The following RNF207 variants were observed in gnomAD, a reference collection of about 807,000 sequenced individuals.
RNF207 encodes the protein ring finger protein 207.
RNF207 carries 72 observed loss-of-function variants against 79.0 expected under a neutral mutation model. That is an observed-to-expected ratio of 0.91 (90% CI 0.75 to 1.11). The LOEUF is 1.11. RNF207 is among the 50% of genes least tolerant of loss of function. The pLI, the probability that RNF207 is intolerant of heterozygous loss-of-function variation, is 0.00. For missense variants in RNF207, 936 were observed against 855.8 expected, an observed-to-expected ratio of 1.09 and a Z score of -1.17; for synonymous variants, 348 against 366.2, an observed-to-expected ratio of 0.95 and a Z score of 0.57.
At position 6,206,813 on chromosome 1, in the gene RNF207, A is replaced by C. The variant is rs563033379; in HGVS notation, c.191+87A>C. On this transcript the variant is annotated intron_variant, in intron 2 of 17. Coordinates refer to ENST00000377939, the MANE Select transcript of RNF207 (RefSeq NM_207396.3). Reference sequence around the variant, plus strand: ...CTGCCCGAGCTGGGACCCAGGTGCCAGGAGAGTAAGGCTCCAACTTCAGGC... The same window carrying C: ...CTGCCCGAGCTGGGACCCAGGTGCCCGGAGAGTAAGGCTCCAACTTCAGGC... 2.6e-5 allele frequency: 29 copies of C among 1,098,766 alleles called. No homozygotes were observed. The African/African-American group carries it at 3.5e-4, about 13-fold the overall frequency. The allele number at this position is 1,098,766 out of a possible 1,614,324, so 68.1% of individuals were successfully genotyped here.
rs531861750 is a variant in RNF207, at chr1:6,210,387, C to T, written c.891C>T (p.Cys297=). The T allele has an allele frequency of 1.3e-5, 21 of 1,613,816 alleles. No individual in the cohort carries two copies. In the Middle Eastern group the frequency reaches 6.6e-4, roughly 51 times the overall value. ...TCCCCCAGGTCCACCTGGTCATCTGCTCCTCCTTCCTCAGCTTGGCCAACA... is the reference window on the plus strand; with the variant it reads ...TCCCCCAGGTCCACCTGGTCATCTGTTCCTCCTTCCTCAGCTTGGCCAACA... The part of the protein sequence containing the change: ...LPTLQVHLVI[C]SSFLSLANKA... The change falls in exon 10 of 18, where the codon TGC becomes TGT. Residue 297 remains cysteine, a synonymous_variant. Coordinates refer to ENST00000377939, the MANE Select transcript of RNF207 (RefSeq NM_207396.3).
intron 16 of RNF207, among the ~76,000 whole-genome samples, chr1:6,214,075 A>G (rs1668276025): frequency 6.6e-6 from 1 of 152,234 alleles, no homozygotes; most frequent in Non-Finnish European, 1.5e-5. Context: ...CAATGTCTCC[A>G]TTCTAGCTTC....
In RNF207 at chr1:6,207,069, G is replaced by A. The variant is rs1488081697; in HGVS notation, c.192-310G>A. Reference sequence around the variant, plus strand: ...TTAGGTCCACAAAACCACAGTTTCAGTTATGTGGGCTCAAGGAACCCAGGA... The same window carrying A: ...TTAGGTCCACAAAACCACAGTTTCAATTATGTGGGCTCAAGGAACCCAGGA... On this transcript the variant is annotated intron_variant, in intron 2 of 17. Coordinates refer to ENST00000377939, the MANE Select transcript of RNF207 (RefSeq NM_207396.3). The surrounding 1 kb of genome is among the most constrained non-coding windows in gnomAD (Gnocchi z 4.5). Among the ~76,000 whole-genome samples the A allele has an allele frequency of 1.3e-5, 2 of 152,176 alleles. No homozygotes were observed. Among genetic ancestry groups the A allele is most frequent in the African/African-American group, 2.4e-5 (1 of 41,452 alleles).
chr1:6,209,381 G>A (rs1668059704), intron 6 of RNF207, 33 bp from the exon 7 acceptor site: 3 of 1,525,284 alleles, frequency 2.0e-6, no homozygotes, highest in East Asian at 5.0e-5. Flanking sequence ...CCGCGCGGCG[G>A]CGATCGCGAG....
At position 6,218,340 on chromosome 1, in the gene RNF207, C is replaced by G; in HGVS notation, c.1704C>G (p.Asp568Glu). Reference protein sequence around the residue: ...EQSESLQNTHDDSRNNAASAR... With the variant: ...EQSESLQNTHEDSRNNAASAR... ...CAGAGAGTCTACAGAACACGCACGA[C>G]GACAGCAGGAACAACGCGGCCTCAG... Residue 568 changes from aspartate to glutamate, a missense_variant, in exon 17 of 18, where the codon GAC (aspartate) becomes GAG (glutamate). Transcript: ENST00000377939. 1 of 1,613,956 alleles carries G rather than the reference C, an allele frequency of 6.2e-7. No homozygotes were observed. The highest frequency in any genetic ancestry group is 8.5e-7 in the Non-Finnish European group (1 of 1,179,856).
intron 16 of RNF207, among the ~76,000 whole-genome samples, chr1:6,215,343 T>G (rs1668328348): frequency 1.3e-5 from 2 of 151,554 alleles, no homozygotes; most frequent in Non-Finnish European, 2.9e-5. Context: ...TTTTTTTTTT[T>G]TTTTTTGAGA....
At chr1:6,206,899 C>T (rs1394009154) in intron 2 of RNF207, among the ~76,000 whole-genome samples, 173 bp downstream of exon 2, 3 of 152,186 alleles carry the variant, frequency 2.0e-5, no homozygotes, top group East Asian at 3.9e-4. Context: ...TTGCAGGCTT[C>T]GGTCCATTTT....
chr1:6,209,544 G>T lies in RNF207; in HGVS notation c.753+5G>T. ...GCCCTCTTCGGCAGCATGCAGGTGA[G>T]GGGTGGGGGTTGGGGGATAAACGAC... On this transcript the variant is annotated splice_donor_5th_base_variant and intron_variant, in intron 7 of 17. Coordinates refer to ENST00000377939, the MANE Select transcript of RNF207 (RefSeq NM_207396.3). The T allele has an allele frequency of 2.1e-6, 3 of 1,454,446 alleles. No individual in the cohort carries two copies. Among genetic ancestry groups the T allele is most frequent in the East Asian group, 5.1e-5 (2 of 39,440 alleles). 90.1% of individuals were successfully genotyped at this position (1,454,446 alleles called of 1,614,324 possible). A position where few individuals can be genotyped will look rare whatever the true frequency, so the allele number is the denominator to read the frequency against.
In RNF207 at chr1:6,209,957, C is replaced by G; in HGVS notation, c.787C>G (p.Gln263Glu). 1 of 1,591,960 alleles carries G rather than the reference C, an allele frequency of 6.3e-7. No homozygotes were observed. The highest frequency in any genetic ancestry group is 1.3e-5 in the African/African-American group (1 of 74,174). Residue 263 changes from glutamine (Q) to glutamate (E), a missense_variant, in exon 8 of 18, where the codon CAG (glutamine) becomes GAG (glutamate). Gln to Glu is a conservative substitution (Grantham distance 29). Transcript: ENST00000377939. ...GGCAGAGAGGAAAGCGCTGCTGCTG[C>G]AGGCTGTGCAGAGGTGAGTTGGGGG... ...RLAERKALLL[Q>E]AVQSQYEEKD...
At position 6,211,851 on chromosome 1, in the gene RNF207, C is replaced by T; in HGVS notation, c.1110-16C>T. On this transcript the variant is annotated splice_polypyrimidine_tract_variant and intron_variant, in intron 12 of 17. Transcript: ENST00000377939. This position sits in a 1 kb window ranked among gnomAD's most constrained non-coding sequence, Gnocchi z 4.2. The stretch of plus-strand genomic sequence containing the variant: ...ACTTCCCCACCCCCCTGCATCCACA[C>T]TGGCTCTCTCCCCAGGCTGGCAGGG... 1.3e-6 allele frequency: 2 copies of T among 1,544,334 alleles called. No homozygotes were observed. The highest frequency in any genetic ancestry group is 8.7e-7 in the Non-Finnish European group (1 of 1,143,876).
At chr1:6,218,073 A>G (rs1197094815) in intron 16 of RNF207, among the ~76,000 whole-genome samples, 2 of 152,258 alleles carry the variant, frequency 1.3e-5, no homozygotes, top group African/African-American at 4.8e-5. Flanking sequence ...ACCAGCACGC[A>G]GCTTCCATGA....
At chr1:6,216,848 G>A (rs1291640715) in intron 16 of RNF207, among the ~76,000 whole-genome samples, 1 of 151,814 alleles carries the variant, frequency 6.6e-6, no homozygotes, top group Non-Finnish European at 1.5e-5. Context: ...GATTACAGGC[G>A]TGAGCCACTG....
rs913402239 is a variant in RNF207 at position 6,209,930 on chromosome 1, C to G, written c.760C>G (p.Leu254Val). The G allele has an allele frequency of 6.3e-7, 1 of 1,589,834 alleles. No homozygotes were observed. The highest frequency in any genetic ancestry group is 8.6e-7 in the Non-Finnish European group (1 of 1,168,278). The change falls in exon 8 of 18, where the codon CTG becomes GTG. Residue 254 changes from leucine to valine, a missense_variant. Physicochemically the swap from Leu to Val is conservative, Grantham distance 32 (BLOSUM62 1). Coordinates refer to ENST00000377939, the MANE Select transcript of RNF207 (RefSeq NM_207396.3). ...TGCTCGCCATCTCTCCCAGGACAGG[C>G]TGGCAGAGAGGAAAGCGCTGCTGCT... ...HALFGSMQDRLAERKALLLQA... is the reference protein window; with the variant it reads ...HALFGSMQDRVAERKALLLQA...
rs79628206 is a variant in RNF207 at position 6,212,433 on chromosome 1, C to A, written c.1482+17C>A. ...TTCCAGGAGGTAGCCCTCCCAAGGA[C>A]TCTAACTCCAGCCCCACCTGTCAGG... On this transcript the variant is annotated intron_variant, in intron 14 of 17. Coordinates refer to ENST00000377939, the MANE Select transcript of RNF207 (RefSeq NM_207396.3). 3.5e-3 allele frequency: 5,511 copies of A among 1,594,874 alleles called. 152 individuals are homozygous for A. The African/African-American group carries it at 0.056, about 16-fold the overall frequency.
At position 6,209,928 on chromosome 1, in the gene RNF207, G is replaced by T; in HGVS notation, c.758G>T (p.Arg253Met). ...CATGCTCGCCATCTCTCCCAGGACA[G>T]GCTGGCAGAGAGGAAAGCGCTGCTG... is the stretch of plus-strand genomic sequence containing the variant. The part of the protein sequence containing the change: ...IHALFGSMQD[R>M]LAERKALLLQ... The change falls in exon 8 of 18, where the codon AGG (arginine) becomes ATG (methionine). Residue 253 changes from arginine to methionine, a missense_variant. By Grantham distance (91) the Arg-to-Met change is moderately conservative (BLOSUM62 -1). Transcript: ENST00000377939. 6.3e-7 allele frequency: 1 copy of T among 1,589,998 alleles called. No homozygotes were observed.
chr1:6,208,671 A>G, intron 3 of RNF207: 1 of 509,778 alleles, frequency 2.0e-6, no homozygotes, highest in Non-Finnish European at 3.4e-6. Flanking sequence ...CCCTCCACGG[A>G]CCTACTTACC....
chr1:6,209,599 TCCCTTG>T (rs1668073568), intron 7 of RNF207, 60 bp downstream of exon 7: 6 of 1,409,428 alleles, frequency 4.3e-6, no homozygotes, highest in Non-Finnish European at 5.5e-6. Flanking sequence ...ACAGGGCTGG[TCCCTTG>T]CCCTTGTGGA....
At chr1:6,215,072 A>G (rs1420438692) in intron 16 of RNF207, among the ~76,000 whole-genome samples, 1 of 147,658 alleles carries the variant, frequency 6.8e-6, no homozygotes, top group Non-Finnish European at 1.5e-5. Context: ...CTTGTTGCCC[A>G]GGCTGGAGTG....
chr1:6,207,704 C>T lies in RNF207; in HGVS notation c.324+193C>T. On this transcript the variant is annotated intron_variant, in intron 3 of 17. Transcript: ENST00000377939. The surrounding 1 kb of genome is among the most constrained non-coding windows in gnomAD (Gnocchi z 4.5). ...GGAGACTGAGGTCCAGAACAAGGGA[C>T]TTGAGCCAGTGTCCAGACAGTGGCA... The T allele has an allele frequency of 1.4e-6, 1 of 730,482 alleles. No homozygotes were observed. The highest frequency in any genetic ancestry group is 2.0e-5 in the Admixed American group (1 of 49,922). The allele number at this position is 730,482 out of a possible 1,614,324, so 45.3% of individuals were successfully genotyped here.
Sources: gnomAD v4.1 joint callset for allele counts (sites outside exome capture counted in the v4.1 genomes callset) on GRCh38, gnomAD v4.1.1 for gene constraint, Gnocchi (gnomAD v3.1) non-coding constraint, MANE v1.5 for transcripts, NCBI Gene and HGNC (gene_info 2026-07-23, HGNC 2026-07-21) for gene names.